DCAF1: variants seen among roughly 807,000 people sequenced by gnomAD.
DCAF1 encodes DDB1- and CUL4-associated factor 1.
Under a neutral mutation model 128.0 loss-of-function variants are expected in DCAF1, and 15 were observed. The ratio of observed to expected loss-of-function variants is 0.12; its 90% CI spans 0.08 to 0.18. The LOEUF (loss-of-function observed/expected upper bound fraction) is 0.18. DCAF1 is among the 10% of genes least tolerant of loss of function. The probability of loss-of-function intolerance (pLI) is 1.00; values close to 1 mark genes in which losing one functional copy is unlikely to be tolerated. For missense variants in DCAF1, 988 were observed against 1,649.5 expected, an observed-to-expected ratio of 0.60 and a Z score of 6.95; for synonymous variants, 610 against 603.0, an observed-to-expected ratio of 1.01 and a Z score of -0.17.
chr3:51,404,639 C>T (rs2089978855), intron 23 of DCAF1, among the ~76,000 whole-genome samples: 2 of 152,210 alleles, frequency 1.3e-5, no homozygotes, highest in African/African-American at 4.8e-5. Context: ...GTAATTTAGA[C>T]TCTTCAAAAT....
intron 3 of DCAF1, among the ~76,000 whole-genome samples, chr3:51,474,473 G>C (rs1705186383): frequency 6.6e-6 from 1 of 152,038 alleles, no homozygotes; most frequent in Non-Finnish European, 1.5e-5. Flanking sequence ...AAAAATTACT[G>C]GTCCACTCTA....
chr3:51,479,787 C>A (rs1416018704), intron 3 of DCAF1, among the ~76,000 whole-genome samples: 2 of 151,974 alleles, frequency 1.3e-5, no homozygotes, highest in Non-Finnish European at 2.9e-5. Flanking sequence ...CAGAGCGAGA[C>A]TCCGTCTCAA....
At chr3:51,458,493 C>T (rs1212476392) in intron 6 of DCAF1, among the ~76,000 whole-genome samples, 29 of 152,058 alleles carry the variant, frequency 1.9e-4, no homozygotes, top group African/African-American at 6.3e-4. Context: ...CTGTCAACAT[C>T]AGACAGATCA....
At chr3:51,501,883 C>T (rs1396252310), upstream of DCAF1, among the ~76,000 whole-genome samples, 14 of 152,142 alleles carry the variant, frequency 9.2e-5, no homozygotes, top group Admixed American at 9.2e-4. Context: ...TCCAGCCACA[C>T]TCTCTCATTT....
chr3:51,414,898 T>A, intron 18 of DCAF1, 41 bp from the exon 19 acceptor site: 1 of 1,584,710 alleles, frequency 6.3e-7, no homozygotes, highest in African/African-American at 1.3e-5. Flanking sequence ...ATCAGACCAA[T>A]CCATCCACTG....
intron 12 of DCAF1, 119 bp downstream of exon 12, chr3:51,429,142 G>A: frequency 1.5e-6 from 1 of 657,870 alleles, no homozygotes; most frequent in Non-Finnish European, 2.8e-6. Flanking sequence ...TTCATACAGG[G>A]AAGTATACTC....
chr3:51,430,223 A>G lies in DCAF1; in HGVS notation c.1288-11T>C, dbSNP rs782334514. Reference sequence around the variant, plus strand: ...GGGATGCATGCAAACCTGCAAAAAAATACAAATAAAACAATGCTTTTAAAT... The same window carrying G: ...GGGATGCATGCAAACCTGCAAAAAAGTACAAATAAAACAATGCTTTTAAAT... On this transcript the variant is annotated splice_polypyrimidine_tract_variant and intron_variant, in intron 10 of 24. Coordinates refer to ENST00000684031, the MANE Select transcript of DCAF1 (RefSeq NM_001387579.1). 6.5e-6 allele frequency: 5 copies of G among 771,562 alleles called. No homozygotes were observed. The African/African-American group carries it at 8.5e-5, about 13-fold the overall frequency. The allele number at this position is 771,562 out of a possible 1,614,324, so 47.8% of individuals were successfully genotyped here. A position where few individuals can be genotyped will look rare whatever the true frequency, so the allele number is the denominator to read the frequency against.
At chr3:51,423,723 G>A (rs1699643016) in intron 13 of DCAF1, among the ~76,000 whole-genome samples, 1 of 151,408 alleles carries the variant, frequency 6.6e-6, no homozygotes, top group Non-Finnish European at 1.5e-5. Flanking sequence ...GGAGGCTGAG[G>A]CAGGAAGAAC....
At chr3:51,488,674 G>A (rs552344089) in intron 2 of DCAF1, among the ~76,000 whole-genome samples, 48 of 152,232 alleles carry the variant, frequency 3.2e-4, no homozygotes, top group African/African-American at 9.6e-4. Context: ...ATGGTGGCAC[G>A]CACCTGTAAT....
At chr3:51,489,434 C>CA (rs1180443699) in intron 2 of DCAF1, among the ~76,000 whole-genome samples, 1 of 151,444 alleles carries the variant, frequency 6.6e-6, no homozygotes, top group Admixed American at 6.6e-5. Context: ...GACTCTGTCT[C>CA]AAAAAACAAA....
At chr3:51,407,150 C>T (rs943101570) in intron 23 of DCAF1, among the ~76,000 whole-genome samples, 1 of 120,802 alleles carries the variant, frequency 8.3e-6, no homozygotes, top group African/African-American at 3.3e-5. Context: ...CAGAGTGAGA[C>T]TCCATCTCAA....
intron 6 of DCAF1, among the ~76,000 whole-genome samples, chr3:51,444,995 C>T (rs1187260138): frequency 1.3e-5 from 2 of 152,100 alleles, no homozygotes; most frequent in African/African-American, 2.4e-5. Context: ...TTTTTAATTA[C>T]ATTTTATTAT....
At chr3:51,487,686 C>G (rs782546666) in intron 2 of DCAF1, among the ~76,000 whole-genome samples, 13 of 151,820 alleles carry the variant, frequency 8.6e-5, no homozygotes, top group Non-Finnish European at 2.9e-5. Context: ...CTTTCTCTCT[C>G]TCTCTCCTCT....
chr3:51,503,815 C>T (rs1708877668), upstream of DCAF1, among the ~76,000 whole-genome samples: 1 of 152,196 alleles, frequency 6.6e-6, no homozygotes, highest in Admixed American at 6.6e-5. Flanking sequence ...ATCCACTACT[C>T]TCACTTTACA....
intron 13 of DCAF1, among the ~76,000 whole-genome samples, chr3:51,422,821 TA>T (rs1699529072): frequency 6.6e-6 from 1 of 152,028 alleles, no homozygotes; most frequent in South Asian, 2.1e-4. Context: ...CCCAACACTT[TA>T]GGAGGCCAAG....
chr3:51,441,945 T>C, intron 7 of DCAF1, 48 bp from the exon 8 acceptor site: 6 of 1,531,744 alleles, frequency 3.9e-6, no homozygotes, highest in Non-Finnish European at 5.2e-6. Context: ...TTATTAAGGA[T>C]TAAGTAATCC....
chr3:51,474,247 C>G (rs1410747994), intron 3 of DCAF1, among the ~76,000 whole-genome samples: 1 of 152,018 alleles, frequency 6.6e-6, no homozygotes, highest in South Asian at 2.1e-4. Context: ...GGAGAAACCC[C>G]GTCTCTGCTA....
At chr3:51,458,274 A>G (rs191306190) in intron 6 of DCAF1, among the ~76,000 whole-genome samples, 8 of 152,362 alleles carry the variant, frequency 5.3e-5, no homozygotes, top group Non-Finnish European at 8.8e-5. Context: ...CTAGTCTCTG[A>G]TAAAACAGAC....
intron 9 of DCAF1, among the ~76,000 whole-genome samples, chr3:51,438,833 A>G (rs1577145924): frequency 6.6e-6 from 1 of 151,928 alleles, no homozygotes; most frequent in Non-Finnish European, 1.5e-5. Flanking sequence ...CTGGTTTCAA[A>G]CTCCTGACCT....
Sources: gnomAD v4.1 joint callset for allele counts (sites outside exome capture counted in the v4.1 genomes callset) on GRCh38, gnomAD v4.1.1 for gene constraint, MANE v1.5 for transcripts, NCBI Gene and HGNC (gene_info 2026-07-23, HGNC 2026-07-21) for gene names.